Variants in ZBED2 observed in about 807,000 individuals in gnomAD.
The protein encoded by ZBED2 is zinc finger BED domain-containing protein 2.
For synonymous variants in ZBED2, 97 were observed against 98.8 expected, an observed-to-expected ratio of 0.98 and a Z score of 0.11; for missense variants, 285 against 281.0, an observed-to-expected ratio of 1.01 and a Z score of -0.10.
chr3:111,594,232 T>G lies in ZBED2; in HGVS notation c.-31A>C. On this transcript the variant is annotated 5_prime_UTR_variant, in exon 2 of 2. Transcript: ENST00000317012. Reference sequence around the variant, plus strand: ...CTCTTCTACAGCGTTCTTTATGATGTGCTTAGATGTGAGCCAAAAGCTTAT... The same window carrying G: ...CTCTTCTACAGCGTTCTTTATGATGGGCTTAGATGTGAGCCAAAAGCTTAT... 2 of 1,528,902 alleles carry G rather than the reference T, an allele frequency of 1.3e-6. No homozygotes were observed. Among genetic ancestry groups the G allele is most frequent in the Non-Finnish European group, 1.8e-6 (2 of 1,137,886 alleles). The allele number at this position is 1,528,902 out of a possible 1,614,324, so 94.7% of individuals were successfully genotyped here. A position where few individuals can be genotyped will look rare whatever the true frequency, so the allele number is the denominator to read the frequency against.
chr3:111,593,507 A>G lies in ZBED2; in HGVS notation c.*38T>C. The G allele has an allele frequency of 1.3e-6, 2 of 1,507,274 alleles. No homozygotes were observed. Among genetic ancestry groups the G allele is most frequent in the Non-Finnish European group, 1.8e-6 (2 of 1,128,386 alleles). The allele number at this position is 1,507,274 out of a possible 1,614,324, so 93.4% of individuals were successfully genotyped here. On this transcript the variant is annotated 3_prime_UTR_variant, in exon 2 of 2. Transcript: ENST00000317012. ...TAAAATGGCTCTTTTCTACAAGTCT[A>G]GAGTCAATGTTTTCAGAATAGATTC...
chr3:111,593,670 C>A lies in ZBED2; in HGVS notation c.532G>T (p.Glu178Ter). 6.2e-7 allele frequency: 1 copy of A among 1,612,044 alleles called. No homozygotes were observed. Among genetic ancestry groups the A allele is most frequent in the East Asian group, 2.2e-5 (1 of 44,822 alleles). ...CTTTCCACCTCCTCCAGGGCTCGCT[C>A]CCTTTTTTCCACAGCCCTCTCCCGC... ...EWRERAVEKR[E>*]RALEEVERAI... Residue 178 changes from glutamate to a stop codon, truncating the protein, a stop_gained, in exon 2 of 2, where the codon GAG becomes TAG. Transcript: ENST00000317012. LOFTEE classifies it low-confidence loss of function (END_TRUNC).
At position 111,593,162 on chromosome 3, in the gene ZBED2, C is replaced by CCG; in HGVS notation, c.*382_*383insCG. 3 of 167,154 alleles carry CCG rather than the reference C, an allele frequency of 1.8e-5. No individual in the cohort carries two copies. The highest frequency in any genetic ancestry group is 1.8e-4 in the South Asian group (1 of 5,664). The allele number at this position is 167,154 out of a possible 1,614,324, so 10.4% of individuals were successfully genotyped here. A position where few individuals can be genotyped will look rare whatever the true frequency, so the allele number is the denominator to read the frequency against. On this transcript the variant is annotated 3_prime_UTR_variant, in exon 2 of 2. Coordinates refer to ENST00000317012, the MANE Select transcript of ZBED2 (RefSeq NM_024508.5). The stretch of plus-strand genomic sequence containing the variant: ...AGCTGGTCACATAGGCACATTCCAG[C>CCG]TACCTAACCAGCCTCAGCCCTCAAA...
chr3:111,594,295 T>C lies in ZBED2; in HGVS notation c.-94A>G. 1 of 1,449,694 alleles carries C rather than the reference T, an allele frequency of 6.9e-7. No homozygotes were observed. The highest frequency in any genetic ancestry group is 9.3e-7 in the Non-Finnish European group (1 of 1,075,328). 89.8% of individuals were successfully genotyped at this position (1,449,694 alleles called of 1,614,324 possible). A position where few individuals can be genotyped will look rare whatever the true frequency, so the allele number is the denominator to read the frequency against. ...ATTAAATATATATTTGGGAAGGGCC[T>C]GTGGTAACTCTTGGGGATTCACAAT... On this transcript the variant is annotated 5_prime_UTR_variant, in exon 2 of 2. Transcript: ENST00000317012.
At position 111,594,479 on chromosome 3, in the gene ZBED2, A is replaced by T. The variant is rs1405961121; in HGVS notation, c.-278T>A. The stretch of plus-strand genomic sequence containing the variant: ...ATCCTCCCTTGACTAGGCCAGAAAG[A>T]CAAAACATATCAGTTCCTGTAGCAA... On this transcript the variant is annotated 5_prime_UTR_variant, in exon 2 of 2. The change creates a premature stop within an existing upstream ORF in the 5' untranslated region. Coordinates refer to ENST00000317012, the MANE Select transcript of ZBED2 (RefSeq NM_024508.5). 3 of 371,966 alleles carry T rather than the reference A, an allele frequency of 8.1e-6. No homozygotes were observed. Among genetic ancestry groups the T allele is most frequent in the Non-Finnish European group, 1.5e-5 (3 of 197,208 alleles). 23.0% of individuals were successfully genotyped at this position (371,966 alleles called of 1,614,324 possible). A position where few individuals can be genotyped will look rare whatever the true frequency, so the allele number is the denominator to read the frequency against.
At position 111,594,327 on chromosome 3, in the gene ZBED2, C is replaced by A; in HGVS notation, c.-126G>T. On this transcript the variant is annotated 5_prime_UTR_variant, in exon 2 of 2. Coordinates refer to ENST00000317012, the MANE Select transcript of ZBED2 (RefSeq NM_024508.5). The stretch of plus-strand genomic sequence containing the variant: ...ACTCTTGGGGATTCACAATAATGGC[C>A]AAAGTCTGGCCACACCTGGGTGGTG... The A allele has an allele frequency of 8.3e-7, 1 of 1,203,460 alleles. No homozygotes were observed. The highest frequency in any genetic ancestry group is 1.2e-6 in the Non-Finnish European group (1 of 862,148). The allele number at this position is 1,203,460 out of a possible 1,614,324, so 74.5% of individuals were successfully genotyped here.
Position 111,593,746 on chromosome 3 carries a change from C to G in ZBED2, c.456G>C (p.Trp152Cys). The G allele has an allele frequency of 1.2e-6, 2 of 1,614,212 alleles. No homozygotes were observed. The highest frequency in any genetic ancestry group is 1.7e-6 in the Non-Finnish European group (2 of 1,180,028). The change falls in exon 2 of 2, where the codon TGG becomes TGC. Residue 152 changes from tryptophan (W) to cysteine (C), a missense_variant. By Grantham distance (215) the Trp-to-Cys change is radical. Coordinates refer to ENST00000317012, the MANE Select transcript of ZBED2 (RefSeq NM_024508.5). ...LLEQVGTMAL[W>C]ASQREKEVLR... The stretch of plus-strand genomic sequence containing the variant: ...GCACCTCCTTTTCCCTTTGGCTGGC[C>G]CACAAAGCCATGGTGCCCACCTGCT...
At position 111,593,808 on chromosome 3, in the gene ZBED2, G is replaced by A; in HGVS notation, c.394C>T (p.Pro132Ser). The A allele has an allele frequency of 6.2e-7, 1 of 1,614,188 alleles. No homozygotes were observed. Among genetic ancestry groups the A allele is most frequent in the South Asian group, 1.1e-5 (1 of 91,078 alleles). The change falls in exon 2 of 2, where the codon CCC becomes TCC. Residue 132 changes from proline (P) to serine (S), a missense_variant. Transcript: ENST00000317012. ...QDPRPHGPQL[P>S]TGIEGNWGRL... ...CCCCAGTTACCCTCAATGCCTGTGG[G>A]GAGCTGGGGCCCGTGGGGCCTTGGA...
rs1055697485 is a variant in ZBED2, at chr3:111,594,673, G to A, written c.-472C>T. ...TCTTATTTCCTATAATTGCATTTTG[G>A]AGGCAGGAGAAACAGCCTCAGGGTT... On this transcript the variant is annotated 5_prime_UTR_variant, in exon 2 of 2. Transcript: ENST00000317012. 5 of 167,982 alleles carry A rather than the reference G, an allele frequency of 3.0e-5. No individual in the cohort carries two copies. The allele number at this position is 167,982 out of a possible 1,614,324, so 10.4% of individuals were successfully genotyped here.
chr3:111,593,212 T>C lies in ZBED2; in HGVS notation c.*333A>G. Reference sequence around the variant, plus strand: ...AATCGTCAGCTCCACCAAAACCGAGTGCTAGGCAAAAATCTGATTATTTTG... The same window carrying C: ...AATCGTCAGCTCCACCAAAACCGAGCGCTAGGCAAAAATCTGATTATTTTG... On this transcript the variant is annotated 3_prime_UTR_variant, in exon 2 of 2. Coordinates refer to ENST00000317012, the MANE Select transcript of ZBED2 (RefSeq NM_024508.5). The C allele has an allele frequency of 5.1e-6, 1 of 196,734 alleles. No homozygotes were observed. The highest frequency in any genetic ancestry group is 1.0e-5 in the Non-Finnish European group (1 of 97,344). 12.2% of individuals were successfully genotyped at this position (196,734 alleles called of 1,614,324 possible).
In ZBED2 at chr3:111,594,368, TC is replaced by T. The variant is rs1937155787; in HGVS notation, c.-168del. 1.3e-5 allele frequency: 10 copies of T among 750,498 alleles called. No individual in the cohort carries two copies. 46.5% of individuals were successfully genotyped at this position (750,498 alleles called of 1,614,324 possible). A position where few individuals can be genotyped will look rare whatever the true frequency, so the allele number is the denominator to read the frequency against. On this transcript the variant is annotated 5_prime_UTR_variant, in exon 2 of 2. Coordinates refer to ENST00000317012, the MANE Select transcript of ZBED2 (RefSeq NM_024508.5). ...CTGGGTGGTGTGAGGTTTCTTCCTT[TC>T]TGCTTCACTGGAGAGTCAGGGGTGA...
chr3:111,594,231 G>A lies in ZBED2; in HGVS notation c.-30C>T. The A allele has an allele frequency of 6.5e-7, 1 of 1,528,788 alleles. No homozygotes were observed. Among genetic ancestry groups the A allele is most frequent in the South Asian group, 1.3e-5 (1 of 77,642 alleles). The allele number at this position is 1,528,788 out of a possible 1,614,324, so 94.7% of individuals were successfully genotyped here. A position where few individuals can be genotyped will look rare whatever the true frequency, so the allele number is the denominator to read the frequency against. On this transcript the variant is annotated 5_prime_UTR_variant, in exon 2 of 2. Coordinates refer to ENST00000317012, the MANE Select transcript of ZBED2 (RefSeq NM_024508.5). ...CCTCTTCTACAGCGTTCTTTATGAT[G>A]TGCTTAGATGTGAGCCAAAAGCTTA... is the stretch of plus-strand genomic sequence containing the variant.
Position 111,593,882 on chromosome 3 carries a change from CTG to C in ZBED2, c.318_319del (p.His106GlnfsTer30). ...ATGGCCACTCTTCTCCAGCTCCTCT[CTG>C]TGCATGCTTTTCAGATGCTTCCACA... On this transcript the variant is annotated frameshift_variant, in exon 2 of 2. Transcript: ENST00000317012. LOFTEE classifies it low-confidence loss of function (END_TRUNC). The C allele has an allele frequency of 6.2e-7, 1 of 1,613,738 alleles. No individual in the cohort carries two copies. Among genetic ancestry groups the C allele is most frequent in the South Asian group, 1.1e-5 (1 of 91,090 alleles).
At chr3:111,595,163 T>C (rs924277520) in intron 1 of ZBED2, 97 bp from the exon 2 acceptor site, 3 of 161,540 alleles carry the variant, frequency 1.9e-5, no homozygotes, top group Admixed American at 6.5e-5. Context: ...AAATGGAAAA[T>C]CATATTACAT....
Position 111,594,777 on chromosome 3 carries a change from TG to T in ZBED2, c.-577del, listed in dbSNP as rs1396597679. 6.6e-5 allele frequency: 11 copies of T among 167,344 alleles called. No individual in the cohort carries two copies. Among genetic ancestry groups the T allele is most frequent in the African/African-American group, 2.7e-4 (11 of 41,470 alleles). 10.4% of individuals were successfully genotyped at this position (167,344 alleles called of 1,614,324 possible). A position where few individuals can be genotyped will look rare whatever the true frequency, so the allele number is the denominator to read the frequency against. On this transcript the variant is annotated 5_prime_UTR_variant, in exon 2 of 2. Transcript: ENST00000317012. ...GGTAAAAGCAAACACAGGCAGATGC[TG>T]GTGCAGGAGACAATCTTGCTTCCTA...
At position 111,593,384 on chromosome 3, in the gene ZBED2, G is replaced by T; in HGVS notation, c.*161C>A. 2.5e-6 allele frequency: 2 copies of T among 793,622 alleles called. No homozygotes were observed. The highest frequency in any genetic ancestry group is 1.7e-5 in the African/African-American group (1 of 58,156). The allele number at this position is 793,622 out of a possible 1,614,324, so 49.2% of individuals were successfully genotyped here. A position where few individuals can be genotyped will look rare whatever the true frequency, so the allele number is the denominator to read the frequency against. The stretch of plus-strand genomic sequence containing the variant: ...CTAGGAACCTCGTAGATAAGCATTT[G>T]GTCAATTCAGACCTGCTCAGATTAA... On this transcript the variant is annotated 3_prime_UTR_variant, in exon 2 of 2. Transcript: ENST00000317012.
In ZBED2 at chr3:111,594,080, G is replaced by A. The variant is rs1937135819; in HGVS notation, c.122C>T (p.Ala41Val). The A allele has an allele frequency of 1.9e-6, 3 of 1,614,028 alleles. No homozygotes were observed. Among genetic ancestry groups the A allele is most frequent in the Admixed American group, 1.7e-5 (1 of 59,988 alleles). The change falls in exon 2 of 2, where the codon GCT becomes GTT. Residue 41 changes from alanine to valine, a missense_variant. Physicochemically the swap from Ala to Val is moderately conservative, Grantham distance 64. Transcript: ENST00000317012. ...GTTGTGGGGCATTGGAGTGGGCATA[G>A]CACTCACAAAAGGGCCAACCAGTTC... ...TGELVGPFVS[A>V]MPTPMPHNKG... is the part of the protein sequence containing the mutation.
Position 111,593,803 on chromosome 3 carries a change from T to C in ZBED2, c.399A>G (p.Thr133=), listed in dbSNP as rs2107628412. ...GCCTACCCCAGTTACCCTCAATGCC[T>C]GTGGGGAGCTGGGGCCCGTGGGGCC... is the stretch of plus-strand genomic sequence containing the variant. ...DPRPHGPQLP[T]GIEGNWGRLL... The change falls in exon 2 of 2, where the codon ACA becomes ACG. Residue 133 remains threonine (T), a synonymous_variant. Transcript: ENST00000317012. The C allele has an allele frequency of 6.2e-7, 1 of 1,614,208 alleles. No individual in the cohort carries two copies.
At position 111,594,217 on chromosome 3, in the gene ZBED2, G is replaced by T. The variant is rs1937147520; in HGVS notation, c.-16C>A. ...GCCTCATCATGTCACCTCTTCTACA[G>T]CGTTCTTTATGATGTGCTTAGATGT... On this transcript the variant is annotated 5_prime_UTR_variant, in exon 2 of 2. In the 5' UTR this introduces an upstream ATG that the reference lacks. Coordinates refer to ENST00000317012, the MANE Select transcript of ZBED2 (RefSeq NM_024508.5). 1 of 1,571,990 alleles carries T rather than the reference G, an allele frequency of 6.4e-7. No individual in the cohort carries two copies. The highest frequency in any genetic ancestry group is 1.4e-5 in the African/African-American group (1 of 73,686).
Sources: allele counts gnomAD v4.1 joint callset, GRCh38; gene constraint gnomAD v4.1.1; transcripts MANE v1.5; gene names NCBI Gene and HGNC (gene_info 2026-07-23, HGNC 2026-07-21).